CD38: variants seen among roughly 807,000 people sequenced by gnomAD.
CD38 encodes ADP-ribosyl cyclase/cyclic ADP-ribose hydrolase 1.
CD38 carries 31 observed loss-of-function variants against 36.3 expected under a neutral mutation model. That is an observed-to-expected ratio of 0.85 (90% CI 0.64 to 1.15). The LOEUF is 1.15. Ranked by LOEUF, CD38 falls within the 50% of genes most tolerant of loss-of-function variation. The pLI is 0.00. For synonymous variants in CD38, 131 were observed against 135.2 expected, an observed-to-expected ratio of 0.97 and a Z score of 0.22; for missense variants, 380 against 371.9, an observed-to-expected ratio of 1.02 and a Z score of -0.18.
intron 1 of CD38, among the ~76,000 whole-genome samples, chr4:15,814,832 G>A (rs190801489): frequency 4.0e-5 from 6 of 148,888 alleles, no homozygotes; most frequent in African/African-American, 1.5e-4. Context: ...TTTGAGATGA[G>A]ATCTCGCTCT....
intron 4 of CD38, among the ~76,000 whole-genome samples, chr4:15,837,186 A>C (rs75921888): frequency 0.014 from 2,068 of 152,288 alleles, 46 homozygotes; most frequent in African/African-American, 0.047. Context: ...TTCCCCACTC[A>C]GTCCCTGGCA....
chr4:15,841,832 G>A (rs1298691081), intron 7 of CD38, among the ~76,000 whole-genome samples: 3 of 132,570 alleles, frequency 2.3e-5, no homozygotes, highest in South Asian at 2.5e-4. Context: ...ACTCCCACCC[G>A]AATATTGCGC....
intron 2 of CD38, among the ~76,000 whole-genome samples, chr4:15,818,154 G>A (rs75707070): frequency 5.5e-5 from 8 of 145,822 alleles, no homozygotes; most frequent in African/African-American, 2.0e-4. Flanking sequence ...CTGGGATGAT[G>A]GAGCTGGGTG....
In CD38 at chr4:15,849,074, G is replaced by A. The variant is rs1724331142; in HGVS notation, c.*472G>A. 6.5e-6 allele frequency: 1 copy of A among 153,544 alleles called. No homozygotes were observed. Among genetic ancestry groups the A allele is most frequent in the African/African-American group, 2.4e-5 (1 of 41,406 alleles). 9.5% of individuals were successfully genotyped at this position (153,544 alleles called of 1,614,324 possible). A position where few individuals can be genotyped will look rare whatever the true frequency, so the allele number is the denominator to read the frequency against. ...CAGATAGTCAAACCATAAACTTCAT[G>A]GTCATGGGTCATGTTGGTGAAAATT... is the stretch of plus-strand genomic sequence containing the variant. On this transcript the variant is annotated 3_prime_UTR_variant, in exon 8 of 8. Transcript: ENST00000226279.
intron 3 of CD38, among the ~76,000 whole-genome samples, chr4:15,830,394 T>C (rs1387529904): frequency 6.6e-6 from 1 of 152,226 alleles, no homozygotes; most frequent in Non-Finnish European, 1.5e-5. Flanking sequence ...TGTCTTCTTT[T>C]GAGAAATATG....
intron 6 of CD38, 67 bp downstream of exon 6, chr4:15,840,185 C>T (rs1411590747): frequency 6.3e-6 from 7 of 1,114,008 alleles, no homozygotes; most frequent in Non-Finnish European, 9.6e-6. Context: ...TCCACAGTCA[C>T]AAGCACGCAC....
At chr4:15,813,671 TCTCA>T (rs903698210) in intron 1 of CD38, among the ~76,000 whole-genome samples, 8 of 152,226 alleles carry the variant, frequency 5.3e-5, no homozygotes, top group Admixed American at 1.3e-4. Context: ...ACTGTTCAAC[TCTCA>T]CTTATGAGTG....
intron 1 of CD38, among the ~76,000 whole-genome samples, chr4:15,808,785 C>G (rs548506146): frequency 6.6e-6 from 1 of 152,200 alleles, no homozygotes; most frequent in Non-Finnish European, 1.5e-5. Flanking sequence ...CCTGGCCCTA[C>G]GGTAACTATT....
intron 2 of CD38, among the ~76,000 whole-genome samples, chr4:15,821,038 C>A (rs1258848673): frequency 6.6e-6 from 1 of 152,150 alleles, no homozygotes. Flanking sequence ...AAGAAACTCA[C>A]TGAAAACCAT....
rs182829609 is a variant in CD38, at chr4:15,811,784, C to G, written c.234-4727C>G. Among the ~76,000 whole-genome samples the G allele has an allele frequency of 2.0e-3, 309 of 152,260 alleles. 1 individual carries two copies. Among genetic ancestry groups the G allele is most frequent in the Non-Finnish European group, 2.4e-3 (161 of 68,020 alleles). ...TCAAATCTGTCTCCCCTTCTGGGAT[C>G]TGGGACAAGTTTTATGGGTTAGGGA... On this transcript the variant is annotated intron_variant, in intron 1 of 7. Coordinates refer to ENST00000226279, the MANE Select transcript of CD38 (RefSeq NM_001775.4).
chr4:15,824,669 A>G (rs1356551459), intron 2 of CD38, among the ~76,000 whole-genome samples: 19 of 142,892 alleles, frequency 1.3e-4, no homozygotes, highest in Non-Finnish European at 3.0e-5. Context: ...ATTCATTTAC[A>G]TTGTGACCTA....
intron 3 of CD38, chr4:15,825,414 T>C (rs1723826062): frequency 1.0e-5 from 2 of 197,122 alleles, no homozygotes; most frequent in South Asian, 1.1e-4. Flanking sequence ...TGGGAACTAG[T>C]AGAGTAAGAA....
Position 15,838,127 on chromosome 4 carries a change from G to C in CD38, c.621G>C (p.Met207Ile). Reference protein sequence around the residue: ...AEAACDVVHVMLNGSRSKIFD... With the variant: ...AEAACDVVHVILNGSRSKIFD... The stretch of plus-strand genomic sequence containing the variant: ...CTGCCTGTGATGTGGTCCATGTGAT[G>C]CTCAATGGATCCCGCAGTAAAATCT... The change falls in exon 5 of 8, where the codon ATG becomes ATC. Residue 207 changes from methionine (M) to isoleucine (I), a missense_variant. Physicochemically the swap from Met to Ile is conservative, Grantham distance 10. Transcript: ENST00000226279. 6.2e-7 allele frequency: 1 copy of C among 1,613,602 alleles called. No individual in the cohort carries two copies. Among genetic ancestry groups the C allele is most frequent in the East Asian group, 2.2e-5 (1 of 44,870 alleles).
At chr4:15,830,343 A>G (rs1034754755) in intron 3 of CD38, among the ~76,000 whole-genome samples, 6 of 152,310 alleles carry the variant, frequency 3.9e-5, no homozygotes, top group South Asian at 2.1e-4. Flanking sequence ...CTGATGGTCA[A>G]TGATTTGAAC....
At chr4:15,804,024 C>T (rs1295771489) in intron 1 of CD38, among the ~76,000 whole-genome samples, 4 of 152,146 alleles carry the variant, frequency 2.6e-5, no homozygotes, top group East Asian at 3.9e-4. Flanking sequence ...ATGGTGTATA[C>T]ATACCACCAC....
intron 1 of CD38, among the ~76,000 whole-genome samples, chr4:15,795,982 A>T (rs140237875): frequency 6.6e-6 from 1 of 152,286 alleles, no homozygotes; most frequent in African/African-American, 2.4e-5. Flanking sequence ...TGAATTTGGC[A>T]CTTCATAGAT....
intron 3 of CD38, among the ~76,000 whole-genome samples, chr4:15,831,691 T>G (rs903600912): frequency 6.6e-6 from 1 of 152,186 alleles, no homozygotes; most frequent in Non-Finnish European, 1.5e-5. Context: ...TTGTTTCTTT[T>G]CTCTTGCTGC....
chr4:15,840,223 A>G (rs1724172789), intron 6 of CD38, 105 bp downstream of exon 6: 4 of 862,460 alleles, frequency 4.6e-6, no homozygotes, highest in Non-Finnish European at 7.9e-6. Context: ...AGGAAATGAA[A>G]CTACATGAAT....
At chr4:15,806,670 C>T (rs183286157) in intron 1 of CD38, among the ~76,000 whole-genome samples, 1 of 152,006 alleles carries the variant, frequency 6.6e-6, no homozygotes, top group Non-Finnish European at 1.5e-5. Context: ...GAGGTGAACT[C>T]GACGGAATGA....
Sources: gnomAD v4.1 joint callset for allele counts (sites outside exome capture counted in the v4.1 genomes callset) on GRCh38, gnomAD v4.1.1 for gene constraint, MANE v1.5 for transcripts, NCBI Gene and HGNC (gene_info 2026-07-23, HGNC 2026-07-21) for gene names.